DSCAM: variants seen among roughly 807,000 people sequenced by gnomAD.
The protein encoded by DSCAM is DS cell adhesion molecule.
A neutral mutation model predicts 217.7 loss-of-function variants in DSCAM; 47 were observed. That is an observed-to-expected ratio of 0.22 (90% confidence interval 0.17 to 0.28). DSCAM has a LOEUF of 0.28. Among genes scored for constraint, DSCAM ranks in the 10% least tolerant of loss-of-function variants. The pLI, the probability that DSCAM is intolerant of heterozygous loss-of-function variation, is 1.00. For synonymous variants in DSCAM, 1,056 were observed against 1,015.3 expected, an observed-to-expected ratio of 1.04 and a Z score of -0.76; for missense variants, 2,080 against 2,618.3, an observed-to-expected ratio of 0.79 and a Z score of 4.49.
chr21:40,696,922 C>CT lies in DSCAM; in HGVS notation c.362-3967dup, dbSNP rs376326810. Among the ~76,000 whole-genome samples, 649 of 152,216 alleles carry CT rather than the reference C, an allele frequency of 4.3e-3. 3 individuals are homozygous for CT. The highest frequency in any genetic ancestry group is 0.015 in the African/African-American group (617 of 41,536). ...TCCCTGTGTTGGGAGCACAGTAAATCTTTTTTCTTCTAGCAATTTAAAAAT... is the reference window on the plus strand; with the variant it reads ...TCCCTGTGTTGGGAGCACAGTAAATCTTTTTTTCTTCTAGCAATTTAAAAAT... On this transcript the variant is annotated intron_variant, in intron 2 of 32. Coordinates refer to ENST00000400454, the MANE Select transcript of DSCAM (RefSeq NM_001389.5).
chr21:40,388,168 C>G (rs9976372), intron 3 of DSCAM, among the ~76,000 whole-genome samples: 1 of 151,946 alleles, frequency 6.6e-6, no homozygotes, highest in Non-Finnish European at 1.5e-5. Flanking sequence ...AGCAGGCTTG[C>G]GCCTGGAACT....
At chr21:40,114,494 T>C (rs948397358) in intron 20 of DSCAM, among the ~76,000 whole-genome samples, 2 of 151,496 alleles carry the variant, frequency 1.3e-5, no homozygotes, top group African/African-American at 2.4e-5. Flanking sequence ...ATTCAGGACA[T>C]AGGCATGGGC....
chr21:40,757,148 C>A (rs1310664138), intron 1 of DSCAM, among the ~76,000 whole-genome samples: 1 of 152,140 alleles, frequency 6.6e-6, no homozygotes, highest in Non-Finnish European at 1.5e-5. Context: ...CTTAGCCTCC[C>A]AAGTAGCTGG....
At position 40,748,920 on chromosome 21, in the gene DSCAM, T is replaced by A. The variant is rs142743240; in HGVS notation, c.44-40149A>T. Among the ~76,000 whole-genome samples, 1,045 of 152,080 alleles carry A rather than the reference T, an allele frequency of 6.9e-3. 14 individuals carry two copies. The highest frequency in any genetic ancestry group is 0.024 in the African/African-American group (996 of 41,498). Reference sequence around the variant, plus strand: ...TGTGACAAAATACAGAACCTAGAAATAAATATATGTATGTATATCCAAATG... The same window carrying A: ...TGTGACAAAATACAGAACCTAGAAAAAAATATATGTATGTATATCCAAATG... On this transcript the variant is annotated intron_variant, in intron 1 of 32. Transcript: ENST00000400454.
At chr21:40,072,106 T>C (rs924525134) in intron 27 of DSCAM, among the ~76,000 whole-genome samples, 6 of 152,178 alleles carry the variant, frequency 3.9e-5, no homozygotes, top group Non-Finnish European at 7.3e-5. Flanking sequence ...TTTATAGTTC[T>C]GAGTCTTAGA....
At chr21:40,506,831 T>C (rs1469883750) in intron 3 of DSCAM, among the ~76,000 whole-genome samples, 1 of 152,186 alleles carries the variant, frequency 6.6e-6, no homozygotes, top group Admixed American at 6.5e-5. Context: ...AAATATCAAC[T>C]TTAAATATAA....
chr21:40,375,506 T>G (rs548341174), intron 3 of DSCAM, among the ~76,000 whole-genome samples: 22 of 152,332 alleles, frequency 1.4e-4, no homozygotes, highest in African/African-American at 5.3e-4. Flanking sequence ...TGGGTCCTTC[T>G]TGTCATCCTG....
intron 3 of DSCAM, among the ~76,000 whole-genome samples, chr21:40,678,860 G>A (rs1482196793): frequency 6.6e-6 from 1 of 152,194 alleles, no homozygotes; most frequent in Non-Finnish European, 1.5e-5. Context: ...GCTGTAACGC[G>A]CCTCTGAAGG....
chr21:40,638,720 C>G (rs79192481), intron 3 of DSCAM, among the ~76,000 whole-genome samples: 1 of 152,066 alleles, frequency 6.6e-6, no homozygotes, highest in Non-Finnish European at 1.5e-5. Context: ...GAAAAATGAG[C>G]GGTAATTACA....
chr21:40,545,366 T>C (rs1296292127), intron 3 of DSCAM, among the ~76,000 whole-genome samples: 1 of 152,152 alleles, frequency 6.6e-6, no homozygotes, highest in Non-Finnish European at 1.5e-5. Flanking sequence ...ATCAGGGAAA[T>C]CATTTCTGCC....
chr21:40,241,356 A>C (rs890382344), intron 11 of DSCAM, among the ~76,000 whole-genome samples: 1 of 152,234 alleles, frequency 6.6e-6, no homozygotes, highest in Non-Finnish European at 1.5e-5. Context: ...TCAAAAGAAG[A>C]CAAACATGTA....
At chr21:40,085,900 C>T in intron 22 of DSCAM, 135 bp from the exon 23 acceptor site, 1 of 734,308 alleles carries the variant, frequency 1.4e-6, no homozygotes, top group Non-Finnish European at 2.0e-6. Flanking sequence ...TATGAAAGAA[C>T]TAAATATGAT....
intron 1 of DSCAM, among the ~76,000 whole-genome samples, chr21:40,712,604 C>T (rs940620191): frequency 6.6e-6 from 1 of 150,922 alleles, no homozygotes; most frequent in African/African-American, 2.4e-5. Flanking sequence ...GTGTGTGTTT[C>T]GTAAATGCTA....
chr21:40,071,659 C>T (rs373423895), intron 27 of DSCAM, among the ~76,000 whole-genome samples: 1 of 152,210 alleles, frequency 6.6e-6, no homozygotes, highest in African/African-American at 2.4e-5. Context: ...GATGGTTGCT[C>T]ACGCAACACT....
chr21:40,398,575 T>A (rs2075203072), intron 3 of DSCAM, among the ~76,000 whole-genome samples: 1 of 152,132 alleles, frequency 6.6e-6, no homozygotes, highest in African/African-American at 2.4e-5. Flanking sequence ...ACTTTGGAAT[T>A]ATGCATACAC....
chr21:40,812,558 G>C (rs1415460990), intron 1 of DSCAM, among the ~76,000 whole-genome samples: 2 of 152,308 alleles, frequency 1.3e-5, no homozygotes, highest in East Asian at 3.9e-4. Context: ...CTCACGGTAT[G>C]GCTATTTGTG....
intron 3 of DSCAM, among the ~76,000 whole-genome samples, chr21:40,431,994 G>C (rs562441100): frequency 1.3e-5 from 2 of 152,258 alleles, no homozygotes; most frequent in African/African-American, 4.8e-5. Flanking sequence ...GAGGTCAGGA[G>C]TTTGAGACTA....
chr21:40,660,500 T>C (rs972016883), intron 3 of DSCAM, among the ~76,000 whole-genome samples: 1 of 152,220 alleles, frequency 6.6e-6, no homozygotes, highest in Non-Finnish European at 1.5e-5. Flanking sequence ...ATTTTCATGA[T>C]TCACCTGCTG....
At chr21:40,716,712 T>G (rs2090846374) in intron 1 of DSCAM, among the ~76,000 whole-genome samples, 1 of 152,232 alleles carries the variant, frequency 6.6e-6, no homozygotes, top group South Asian at 2.1e-4. Flanking sequence ...GGAGGAATTT[T>G]GCAGTAGGCA....
Sources: gnomAD v4.1 joint callset for allele counts (sites outside exome capture counted in the v4.1 genomes callset) on GRCh38, gnomAD v4.1.1 for gene constraint, MANE v1.5 for transcripts, NCBI Gene and HGNC (gene_info 2026-07-23, HGNC 2026-07-21) for gene names.